EIF4G3: variants seen among roughly 807,000 people sequenced by gnomAD.
The protein encoded by EIF4G3 is eukaryotic translation initiation factor 4 gamma 3, also known as eIF-4-gamma 3.
Under a neutral mutation model 186.4 loss-of-function variants are expected in EIF4G3, and 34 were observed. That is an observed-to-expected ratio of 0.18 (90% CI 0.14 to 0.24). The LOEUF (loss-of-function observed/expected upper bound fraction) is 0.24, where lower values mean the gene tolerates loss of function less well. Among genes scored for constraint, EIF4G3 ranks in the 10% least tolerant of loss-of-function variants. The pLI is 1.00. For synonymous variants in EIF4G3, 673 were observed against 679.5 expected (o/e 0.99, Z 0.15); for missense variants, 1,536 against 1,948.5 (o/e 0.79, Z 3.99).
chr1:20,874,758 T>C (rs1158165747), intron 20 of EIF4G3, among the ~76,000 whole-genome samples: 1 of 152,184 alleles, frequency 6.6e-6, no homozygotes, highest in Non-Finnish European at 1.5e-5. Context: ...TTTTGAATTT[T>C]GCTAAAGAAA....
chr1:21,096,475 A>T (rs2096373509), intron 2 of EIF4G3, among the ~76,000 whole-genome samples: 1 of 152,244 alleles, frequency 6.6e-6, no homozygotes, highest in Non-Finnish European at 1.5e-5. Context: ...TCACCACTAC[A>T]GCAGTATATC....
chr1:20,949,821 A>C (rs1475062806), intron 13 of EIF4G3, among the ~76,000 whole-genome samples, 182 bp downstream of exon 13: 1 of 152,174 alleles, frequency 6.6e-6, no homozygotes, highest in Non-Finnish European at 1.5e-5. Flanking sequence ...TAATTTTACC[A>C]ATCATCCCTA....
chr1:21,144,002 G>A (rs994194612), intron 2 of EIF4G3, among the ~76,000 whole-genome samples: 2 of 152,184 alleles, frequency 1.3e-5, no homozygotes, highest in African/African-American at 4.8e-5. Flanking sequence ...CTGGTCTCAA[G>A]GTTCATAGGC....
intron 2 of EIF4G3, among the ~76,000 whole-genome samples, chr1:21,118,890 T>A: frequency 1.7e-5 from 2 of 121,198 alleles, no homozygotes; most frequent in East Asian, 5.1e-4. Flanking sequence ...GAATAGCCAC[T>A]ACACTCCAGC....
intron 2 of EIF4G3, among the ~76,000 whole-genome samples, chr1:21,142,918 C>T (rs2097364955): frequency 6.6e-6 from 1 of 152,086 alleles, no homozygotes; most frequent in Non-Finnish European, 1.5e-5. Flanking sequence ...ATATCTATTA[C>T]TGAAACATAA....
chr1:20,912,297 T>C (rs1247584469), intron 14 of EIF4G3, among the ~76,000 whole-genome samples: 1 of 152,192 alleles, frequency 6.6e-6, no homozygotes, highest in East Asian at 1.9e-4. Context: ...TTTTAAAAAA[T>C]TAATAAAGCT....
chr1:21,023,484 C>T (rs1352806283), intron 4 of EIF4G3, among the ~76,000 whole-genome samples: 1 of 151,998 alleles, frequency 6.6e-6, no homozygotes, highest in Non-Finnish European at 1.5e-5. Flanking sequence ...AGTCTCCAGC[C>T]CCTAACCGCG....
intron 12 of EIF4G3, among the ~76,000 whole-genome samples, 155 bp downstream of exon 12, chr1:20,969,319 G>GA (rs1193311402): frequency 1.3e-5 from 2 of 152,078 alleles, no homozygotes; most frequent in African/African-American, 4.8e-5. Flanking sequence ...TTTGCAAAGA[G>GA]AAAAAACATG....
chr1:20,879,446 C>T lies in EIF4G3; in HGVS notation c.2499G>A (p.Val833=). ...CCTCTGTGTCAACAGTAAGTCCTGACACTTGCTTCATCAGTTGATTGAACA... is the reference window on the plus strand; with the variant it reads ...CCTCTGTGTCAACAGTAAGTCCTGATACTTGCTTCATCAGTTGATTGAACA... ...PQMFNQLMKQ[V]SGLTVDTEER... is the part of the protein sequence containing the mutation. Residue 833 remains valine (V), a synonymous_variant, in exon 20 of 37, where the codon GTG becomes GTA. Transcript: ENST00000602326. The T allele has an allele frequency of 6.3e-7, 1 of 1,583,178 alleles. No homozygotes were observed. Among genetic ancestry groups the T allele is most frequent in the Non-Finnish European group, 8.6e-7 (1 of 1,164,972 alleles).
intron 25 of EIF4G3, among the ~76,000 whole-genome samples, chr1:20,855,956 G>A (rs571597060): frequency 3.9e-4 from 60 of 152,244 alleles, no homozygotes; most frequent in African/African-American, 1.2e-3. Context: ...ATCCAAGCAC[G>A]GAAAGCATAA....
intron 2 of EIF4G3, among the ~76,000 whole-genome samples, chr1:21,162,754 A>T (rs973279286): frequency 1.4e-4 from 21 of 152,258 alleles, no homozygotes; most frequent in Admixed American, 7.9e-4. Context: ...TCTCCAAAAA[A>T]AAATAAATAA....
At chr1:20,918,136 C>T (rs1321066477) in intron 14 of EIF4G3, among the ~76,000 whole-genome samples, 1 of 152,088 alleles carries the variant, frequency 6.6e-6, no homozygotes, top group African/African-American at 2.4e-5. Flanking sequence ...TGAACCTTGC[C>T]TCAGCACTCT....
At chr1:21,111,245 G>A in intron 2 of EIF4G3, 1 of 464,404 alleles carries the variant, frequency 2.2e-6, no homozygotes. Flanking sequence ...CTAACAAGTG[G>A]CACTCTACGA....
At position 20,816,855 on chromosome 1, in the gene EIF4G3, G is replaced by A. The variant is rs2061121481; in HGVS notation, c.4515+537C>T. Among the ~76,000 whole-genome samples the A allele has an allele frequency of 2.0e-5, 2 of 102,076 alleles. 1 individual carries two copies. Among genetic ancestry groups the A allele is most frequent in the South Asian group, 7.0e-4 (2 of 2,854 alleles). The allele number at this position is 102,076 out of a possible 152,430, so 67.0% of individuals were successfully genotyped here. A position where few individuals can be genotyped will look rare whatever the true frequency, so the allele number is the denominator to read the frequency against. On this transcript the variant is annotated intron_variant, in intron 34 of 36. Coordinates refer to ENST00000602326, the MANE Select transcript of EIF4G3 (RefSeq NM_001391906.1). ...ATCGGATGGTTGCCGGGTCTGTGTA[G>A]AAAGAAGTAGACATGGGAGACTTTT... is the stretch of plus-strand genomic sequence containing the variant.
At chr1:20,940,339 G>A (rs760693506) in intron 14 of EIF4G3, among the ~76,000 whole-genome samples, 16 of 152,166 alleles carry the variant, frequency 1.1e-4, no homozygotes, top group Non-Finnish European at 2.2e-4. Context: ...CAATTGCCTT[G>A]CATTGTTTTC....
chr1:20,946,012 C>T (rs1381010870), intron 13 of EIF4G3, among the ~76,000 whole-genome samples: 1 of 152,092 alleles, frequency 6.6e-6, no homozygotes, highest in Non-Finnish European at 1.5e-5. Context: ...CCCTTTTATT[C>T]TCATATGGTG....
intron 5 of EIF4G3, among the ~76,000 whole-genome samples, chr1:21,001,969 G>A (rs921922354): frequency 3.3e-5 from 5 of 152,178 alleles, no homozygotes; most frequent in African/African-American, 9.7e-5. Flanking sequence ...GGTACAAAGA[G>A]GGATGTGAGA....
intron 3 of EIF4G3, among the ~76,000 whole-genome samples, chr1:21,067,694 G>A (rs946596466): frequency 6.6e-6 from 1 of 152,092 alleles, no homozygotes; most frequent in Admixed American, 6.5e-5. Context: ...TTAATACACC[G>A]TAAAGTCGAA....
chr1:20,920,120 G>A (rs1409149933), intron 14 of EIF4G3, among the ~76,000 whole-genome samples: 1 of 152,110 alleles, frequency 6.6e-6, no homozygotes, highest in African/African-American at 2.4e-5. Flanking sequence ...TGGTCAGGCT[G>A]GTCTCAAACT....
Sources: gnomAD v4.1 joint callset for allele counts (sites outside exome capture counted in the v4.1 genomes callset) on GRCh38, gnomAD v4.1.1 for gene constraint, MANE v1.5 for transcripts, NCBI Gene and HGNC (gene_info 2026-07-23, HGNC 2026-07-21) for gene names.